TACR3: variants seen among roughly 807,000 people sequenced by gnomAD.
The protein encoded by TACR3 is tachykinin receptor 3, also known as neuromedin-K receptor.
TACR3 carries 34 observed loss-of-function variants against 35.0 expected under a neutral mutation model. That is an observed-to-expected ratio of 0.97 (90% CI 0.74 to 1.30). TACR3 has a LOEUF of 1.30. Ranked by LOEUF, TACR3 falls within the 50% of genes most tolerant of loss-of-function variation. The pLI is 0.00. For missense variants in TACR3, 558 were observed against 591.7 expected, an observed-to-expected ratio of 0.94 and a Z score of 0.59; for synonymous variants, 233 against 221.1, an observed-to-expected ratio of 1.05 and a Z score of -0.48.
At chr4:103,701,794 T>C (rs1445867110) in intron 1 of TACR3, among the ~76,000 whole-genome samples, 1 of 152,136 alleles carries the variant, frequency 6.6e-6, no homozygotes, top group Non-Finnish European at 1.5e-5. Context: ...AAACAAGAAA[T>C]GGGGAAAGGA....
chr4:103,644,633 A>G (rs1421477918), intron 3 of TACR3, among the ~76,000 whole-genome samples: 1 of 151,758 alleles, frequency 6.6e-6, no homozygotes, highest in Non-Finnish European at 1.5e-5. Context: ...ATTTCATAAT[A>G]CATAACAGAA....
intron 4 of TACR3, 104 bp downstream of exon 4, chr4:103,591,383 T>G (rs1723889328): frequency 1.4e-6 from 2 of 1,395,132 alleles, no homozygotes; most frequent in East Asian, 2.3e-5. Context: ...AATTTTCCCT[T>G]CCTTCTGCAT....
chr4:103,698,550 C>CTTTTTTTTCT (rs954422633), intron 1 of TACR3, among the ~76,000 whole-genome samples: 2 of 150,744 alleles, frequency 1.3e-5, no homozygotes, highest in Non-Finnish European at 3.0e-5. Flanking sequence ...TCTTTTTTTT[C>CTTTTTTTTCT]TTTTTTTGGT....
chr4:103,700,807 T>G (rs1348710220), intron 1 of TACR3, among the ~76,000 whole-genome samples: 1 of 152,196 alleles, frequency 6.6e-6, no homozygotes, highest in African/African-American at 2.4e-5. Flanking sequence ...AAGCATATGA[T>G]TATCTCAATA....
chr4:103,690,738 A>T (rs944994102), intron 1 of TACR3, among the ~76,000 whole-genome samples: 1 of 152,154 alleles, frequency 6.6e-6, no homozygotes, highest in Non-Finnish European at 1.5e-5. Flanking sequence ...TAAAATAAGT[A>T]TCAACATTTT....
chr4:103,591,737 T>C (rs1050040276), intron 3 of TACR3, 54 bp from the exon 4 acceptor site: 18 of 1,494,890 alleles, frequency 1.2e-5, no homozygotes, highest in Non-Finnish European at 1.6e-5. Context: ...ATAGTTCCAA[T>C]AGCTTATTGC....
chr4:103,603,686 C>T (rs551704055), intron 3 of TACR3, among the ~76,000 whole-genome samples: 1 of 152,048 alleles, frequency 6.6e-6, no homozygotes, highest in African/African-American at 2.4e-5. Context: ...GGGTATATAC[C>T]CAGTAATGGG....
intron 1 of TACR3, among the ~76,000 whole-genome samples, chr4:103,672,993 C>T (rs532077227): frequency 3.3e-5 from 5 of 152,284 alleles, no homozygotes; most frequent in Non-Finnish European, 7.3e-5. Context: ...AGGAACCAAA[C>T]TCTGCTGGCC....
chr4:103,593,582 T>A (rs1185033673), intron 3 of TACR3: 2 of 152,162 alleles, frequency 1.3e-5, no homozygotes, highest in Non-Finnish European at 2.9e-5. Flanking sequence ...ATGTTTTCAT[T>A]GTTGAATTTG....
At chr4:103,592,275 G>T (rs1287276214) in intron 3 of TACR3, among the ~76,000 whole-genome samples, 1 of 152,164 alleles carries the variant, frequency 6.6e-6, no homozygotes, top group African/African-American at 2.4e-5. Context: ...AAATATTCAC[G>T]TTAGTGTGAG....
chr4:103,708,721 A>T (rs1722860274), intron 1 of TACR3, among the ~76,000 whole-genome samples: 1 of 152,196 alleles, frequency 6.6e-6, no homozygotes, highest in South Asian at 2.1e-4. Flanking sequence ...CTAAAGGAGG[A>T]AGTTTGAACC....
chr4:103,658,779 T>A (rs1268131912), intron 1 of TACR3, among the ~76,000 whole-genome samples: 1 of 152,142 alleles, frequency 6.6e-6, no homozygotes, highest in Admixed American at 6.6e-5. Context: ...TTCCATGGAC[T>A]GGCAGTGGGT....
chr4:103,638,441 A>C (rs1222626371), intron 3 of TACR3, among the ~76,000 whole-genome samples: 3 of 151,994 alleles, frequency 2.0e-5, no homozygotes, highest in Non-Finnish European at 4.4e-5. Context: ...AAATTAATTC[A>C]AGATGGATTA....
chr4:103,698,611 G>A (rs924531837), intron 1 of TACR3, among the ~76,000 whole-genome samples: 13 of 151,532 alleles, frequency 8.6e-5, no homozygotes, highest in African/African-American at 3.2e-4. Flanking sequence ...TTTATGTTAA[G>A]TGAAATAAGC....
At chr4:103,631,141 C>A (rs115207499) in intron 3 of TACR3, among the ~76,000 whole-genome samples, 3,586 of 152,122 alleles carry the variant, frequency 0.024, 129 homozygotes, top group African/African-American at 0.082. Context: ...AACACTGGGA[C>A]ACAGGGCAGG....
chr4:103,591,536 T>C lies in TACR3; in HGVS notation c.1036A>G (p.Met346Val), dbSNP rs200148989. The C allele has an allele frequency of 1.2e-6, 2 of 1,613,922 alleles. No homozygotes were observed. The highest frequency in any genetic ancestry group is 1.7e-4 in the Middle Eastern group (1 of 6,058). The change falls in exon 4 of 5, where the codon ATG becomes GTG. Residue 346 changes from methionine (M) to valine (V), a missense_variant. Coordinates refer to ENST00000304883, the MANE Select transcript of TACR3 (RefSeq NM_001059.3). Reference protein sequence around the residue: ...QVYLASFWLAMSSTMYNPIIY... With the variant: ...QVYLASFWLAVSSTMYNPIIY... The stretch of plus-strand genomic sequence containing the variant: ...ATGGGATTGTACATGGTTGAGCTCA[T>C]TGCCAGCCAAAAGCTAGCCAGGTAG...
intron 1 of TACR3, among the ~76,000 whole-genome samples, chr4:103,662,013 C>G (rs1725844443): frequency 6.6e-6 from 1 of 152,104 alleles, no homozygotes; most frequent in African/African-American, 2.4e-5. Context: ...ATGTAAATTA[C>G]AGATGTGACA....
chr4:103,684,227 TAAAA>T (rs1320164191), intron 1 of TACR3, among the ~76,000 whole-genome samples: 1 of 152,056 alleles, frequency 6.6e-6, no homozygotes, highest in Non-Finnish European at 1.5e-5. Flanking sequence ...CAGTAAGTCA[TAAAA>T]AAGAATGGAT....
chr4:103,602,334 T>C (rs1015564043), intron 3 of TACR3, among the ~76,000 whole-genome samples: 6 of 152,182 alleles, frequency 3.9e-5, no homozygotes, highest in Non-Finnish European at 7.3e-5. Context: ...GGTTTGAATT[T>C]CTCCTGTAGC....
Sources: allele counts gnomAD v4.1 joint callset (sites outside exome capture counted in the v4.1 genomes callset), GRCh38; gene constraint gnomAD v4.1.1; transcripts MANE v1.5; gene names NCBI Gene and HGNC (gene_info 2026-07-23, HGNC 2026-07-21).